Variants in MPP7 observed in about 807,000 individuals in gnomAD.
MPP7 encodes the protein MAGUK p55 scaffold protein 7, also known as MAGUK p55 subfamily member 7.
A neutral mutation model predicts 76.5 loss-of-function variants in MPP7; 60 were observed. The ratio of observed to expected loss-of-function variants is 0.78; its 90% CI spans 0.64 to 0.97. The LOEUF (loss-of-function observed/expected upper bound fraction) is 0.97, where lower values mean the gene tolerates loss of function less well. Among genes scored for constraint, MPP7 ranks in the 50% least tolerant of loss-of-function variants. The probability of loss-of-function intolerance (pLI) is 0.00; values close to 1 mark genes in which losing one functional copy is unlikely to be tolerated. For synonymous variants in MPP7, 237 were observed against 244.5 expected (o/e 0.97, Z 0.29); for missense variants, 641 against 694.0 (o/e 0.92, Z 0.86).
chr10:28,203,875 A>C (rs1837861981), intron 2 of MPP7, among the ~76,000 whole-genome samples: 1 of 152,226 alleles, frequency 6.6e-6, no homozygotes, highest in African/African-American at 2.4e-5. Context: ...TTACATGATA[A>C]AAGTTGTCAG....
chr10:28,262,419 T>A (rs564885189), intron 1 of MPP7, among the ~76,000 whole-genome samples: 1 of 151,180 alleles, frequency 6.6e-6, no homozygotes, highest in African/African-American at 2.4e-5. Flanking sequence ...TTGACTGAAC[T>A]AGTAATTTAT....
In MPP7 at chr10:28,053,885, A is replaced by G; in HGVS notation, c.*180T>C. ...TGTGCATATTTTGATTTCGGATCTT[A>G]TACTAACACATGGCGTTTGAAATAA... On this transcript the variant is annotated 3_prime_UTR_variant, in exon 17 of 17. Transcript: ENST00000683449. 1.6e-6 allele frequency: 1 copy of G among 616,228 alleles called. No individual in the cohort carries two copies. Among genetic ancestry groups the G allele is most frequent in the African/African-American group, 1.8e-5 (1 of 54,252 alleles). 38.2% of individuals were successfully genotyped at this position (616,228 alleles called of 1,614,324 possible).
At chr10:28,126,818 C>T (rs991255752) in intron 6 of MPP7, among the ~76,000 whole-genome samples, 1 of 152,120 alleles carries the variant, frequency 6.6e-6, no homozygotes, top group Non-Finnish European at 1.5e-5. Flanking sequence ...TTGCTCTATG[C>T]GAATCTCACT....
chr10:28,088,400 T>C (rs1488790702), intron 12 of MPP7, among the ~76,000 whole-genome samples: 1 of 152,006 alleles, frequency 6.6e-6, no homozygotes, highest in Non-Finnish European at 1.5e-5. Flanking sequence ...CGATAATGAG[T>C]TCTCAGGAGA....
chr10:28,130,932 T>A (rs1383360454), intron 6 of MPP7, among the ~76,000 whole-genome samples: 5 of 152,210 alleles, frequency 3.3e-5, no homozygotes. Context: ...ACATTTTAAA[T>A]CTTAATACTT....
chr10:28,100,965 T>C (rs1209858640), intron 11 of MPP7, among the ~76,000 whole-genome samples: 1 of 152,134 alleles, frequency 6.6e-6, no homozygotes, highest in Non-Finnish European at 1.5e-5. Flanking sequence ...AGCTCTTACT[T>C]ATACCTTCAA....
Position 28,189,567 on chromosome 10 carries a change from T to A in MPP7, c.156+12586A>T, listed in dbSNP as rs1419343352. On this transcript the variant is annotated intron_variant, in intron 3 of 16. Coordinates refer to ENST00000683449, the MANE Select transcript of MPP7 (RefSeq NM_001318170.2). ...GCCAGGGAGACAGAGCAAGACCCTG[T>A]CTCAAAAAAAAAAAAAAAAAAAAAA... Among the ~76,000 whole-genome samples, 5 of 58,744 alleles carry A rather than the reference T, an allele frequency of 8.5e-5. No homozygotes were observed. In the East Asian group the frequency reaches 2.3e-3, roughly 27 times the overall value. 38.5% of individuals were successfully genotyped at this position (58,744 alleles called of 152,430 possible).
At chr10:28,285,646 T>C (rs1352869226) in intron 1 of MPP7, among the ~76,000 whole-genome samples, 2 of 152,180 alleles carry the variant, frequency 1.3e-5, no homozygotes. Context: ...TCAATGGTCA[T>C]GAACACTACA....
At chr10:28,147,749 G>C (rs567573929) in intron 4 of MPP7, among the ~76,000 whole-genome samples, 186 bp from the exon 5 acceptor site, 1 of 152,148 alleles carries the variant, frequency 6.6e-6, no homozygotes, top group Admixed American at 6.5e-5. Context: ...GTCCAGATCC[G>C]AGCCCAGGCT....
At chr10:28,077,283 A>G (rs1422422641) in intron 12 of MPP7, among the ~76,000 whole-genome samples, 2 of 152,172 alleles carry the variant, frequency 1.3e-5, no homozygotes. Flanking sequence ...GAACATTCAG[A>G]GGCAAATGAC....
chr10:28,127,788 T>C (rs867252940), intron 6 of MPP7, among the ~76,000 whole-genome samples: 30 of 152,036 alleles, frequency 2.0e-4, no homozygotes, highest in Middle Eastern at 3.4e-3. Flanking sequence ...TGAGGGGATG[T>C]AGGGCAGGAA....
chr10:28,171,588 T>C (rs1836682501), intron 3 of MPP7, among the ~76,000 whole-genome samples: 1 of 152,184 alleles, frequency 6.6e-6, no homozygotes, highest in African/African-American at 2.4e-5. Context: ...TCTCTACACA[T>C]TTACTGAACC....
chr10:28,083,058 C>A (rs1202362082), intron 12 of MPP7, among the ~76,000 whole-genome samples: 6 of 152,076 alleles, frequency 3.9e-5, no homozygotes. Flanking sequence ...TGAATTGTTC[C>A]CGTGTCATGT....
intron 3 of MPP7, among the ~76,000 whole-genome samples, chr10:28,174,703 C>T (rs1836800095): frequency 6.6e-6 from 1 of 152,280 alleles, no homozygotes; most frequent in African/African-American, 2.4e-5. Flanking sequence ...AATGAAAATC[C>T]TATTTCCCAA....
Position 28,096,552 on chromosome 10 carries a change from T to C in MPP7, c.953-6711A>G, listed in dbSNP as rs1041202418. Among the ~76,000 whole-genome samples, 13 of 152,238 alleles carry C rather than the reference T, an allele frequency of 8.5e-5. 1 individual carries two copies. Among genetic ancestry groups the C allele is most frequent in the Non-Finnish European group, 1.3e-4 (9 of 68,040 alleles). On this transcript the variant is annotated intron_variant, in intron 11 of 16. Coordinates refer to ENST00000683449, the MANE Select transcript of MPP7 (RefSeq NM_001318170.2). ...TAAGGTCACGAGCCCTTTGTTCTAT[T>C]TGTTAAAAAGATGTAAGGTTTTCAA...
intron 11 of MPP7, among the ~76,000 whole-genome samples, chr10:28,098,694 T>G (rs753538735): frequency 7.9e-5 from 12 of 152,044 alleles, no homozygotes; most frequent in Non-Finnish European, 1.8e-4. Context: ...TGGTTATGTC[T>G]CAGAGGCAAG....
Position 28,172,307 on chromosome 10 carries a change from T to A in MPP7, c.157-22248A>T, listed in dbSNP as rs1385399138. Among the ~76,000 whole-genome samples the A allele has an allele frequency of 9.8e-5, 15 of 152,346 alleles. No homozygotes were observed. The South Asian group carries it at 2.7e-3, about 27-fold the overall frequency. On this transcript the variant is annotated intron_variant, in intron 3 of 16. Coordinates refer to ENST00000683449, the MANE Select transcript of MPP7 (RefSeq NM_001318170.2). ...ATACGTGATTTAGAAATAGGTACTG[T>A]TGGAATGGTACGAAAAAATCTTAAA...
intron 5 of MPP7, among the ~76,000 whole-genome samples, chr10:28,135,768 A>C (rs995881631): frequency 3.9e-5 from 6 of 152,246 alleles, no homozygotes; most frequent in Admixed American, 2.0e-4. Flanking sequence ...ACCTAAAAAA[A>C]AGCTAAAAAT....
chr10:28,278,553 A>T (rs1017018364), intron 1 of MPP7, among the ~76,000 whole-genome samples: 2 of 151,742 alleles, frequency 1.3e-5, no homozygotes, highest in African/African-American at 4.9e-5. Context: ...TCTCTATATC[A>T]TCATGGCTAG....
Sources: allele counts gnomAD v4.1 joint callset (sites outside exome capture counted in the v4.1 genomes callset), GRCh38; gene constraint gnomAD v4.1.1; transcripts MANE v1.5; gene names NCBI Gene and HGNC (gene_info 2026-07-23, HGNC 2026-07-21).